Variants in MAST4 observed in about 807,000 individuals in gnomAD.
The protein encoded by MAST4 is microtubule associated serine/threonine kinase family member 4.
A neutral mutation model predicts 162.7 loss-of-function variants in MAST4; 89 were observed. That is an observed-to-expected ratio of 0.55 (90% CI 0.46 to 0.65). The LOEUF (loss-of-function observed/expected upper bound fraction) is 0.65. MAST4 is among the 30% of genes least tolerant of loss of function. The pLI is 0.00. For missense variants in MAST4, 3,153 were observed against 3,374.0 expected (o/e 0.93, Z 1.62); for synonymous variants, 1,479 against 1,361.1 (o/e 1.09, Z -1.91).
intron 6 of MAST4, chr5:67,094,210 G>T: frequency 7.3e-7 from 1 of 1,378,058 alleles, no homozygotes; most frequent in Non-Finnish European, 9.9e-7. Context: ...TCTGTGATTT[G>T]TCCACTTGAA....
At chr5:66,837,894 ATTTTTTTTTT>A (rs754095073) in intron 3 of MAST4, among the ~76,000 whole-genome samples, 919 of 53,506 alleles carry the variant, frequency 0.017, 2 homozygotes, top group East Asian at 0.092. Flanking sequence ...ATATATATAT[ATTTTTTTTTT>A]TTTTTTTTTT....
At chr5:66,939,223 A>C (rs1261556524) in intron 4 of MAST4, among the ~76,000 whole-genome samples, 1 of 152,188 alleles carries the variant, frequency 6.6e-6, no homozygotes, top group Non-Finnish European at 1.5e-5. Flanking sequence ...AAAGCATAGT[A>C]TCTGAAATTA....
At chr5:66,722,956 C>A (rs2149541541) in intron 1 of MAST4, among the ~76,000 whole-genome samples, 2 of 152,280 alleles carry the variant, frequency 1.3e-5, no homozygotes, top group East Asian at 1.9e-4. Context: ...TATGAGGCAA[C>A]TTCCCTCCAT....
intron 3 of MAST4, among the ~76,000 whole-genome samples, chr5:66,833,011 A>G (rs1757720728): frequency 2.0e-5 from 3 of 152,132 alleles, no homozygotes; most frequent in Non-Finnish European, 2.9e-5. Flanking sequence ...TCTGAAATAG[A>G]TATAGTACTG....
intron 10 of MAST4, among the ~76,000 whole-genome samples, chr5:67,106,567 A>T (rs1765617954): frequency 1.3e-5 from 2 of 152,012 alleles, no homozygotes; most frequent in African/African-American, 2.4e-5. Flanking sequence ...CCTGGCTCAG[A>T]CCCTCATCCA....
chr5:67,093,703 A>G (rs1037646912), intron 6 of MAST4: 7 of 442,568 alleles, frequency 1.6e-5, no homozygotes, highest in African/African-American at 1.4e-4. Flanking sequence ...ATTCATCTAA[A>G]ATATGTTCAT....
rs56276229 is a variant in MAST4 at position 66,877,551 on chromosome 5, A to T, written c.643-22400A>T. ...ACTAAGCCTTGCTGACTCCTGATGGACGTACCTAAAGTGGAGACGAGAGGT... is the reference window on the plus strand; with the variant it reads ...ACTAAGCCTTGCTGACTCCTGATGGTCGTACCTAAAGTGGAGACGAGAGGT... On this transcript the variant is annotated intron_variant, in intron 3 of 28. Coordinates refer to ENST00000403625, the MANE Select transcript of MAST4 (RefSeq NM_001164664.2). 9.4e-3 allele frequency among the ~76,000 whole-genome samples: 1,437 copies of T among 152,310 alleles called. 15 individuals are homozygous for T. Among genetic ancestry groups the T allele is most frequent in the African/African-American group, 0.032 (1,312 of 41,556 alleles).
chr5:67,124,809 T>C (rs566033211), intron 14 of MAST4, among the ~76,000 whole-genome samples: 4 of 152,218 alleles, frequency 2.6e-5, no homozygotes, highest in African/African-American at 7.2e-5. Flanking sequence ...ACTGAAAATC[T>C]GAGAATAAAG....
Position 66,635,975 on chromosome 5 carries a change from T to TTTTTC in MAST4, c.363+38957_363+38958insTTTTC, listed in dbSNP as rs1386965157. ...TTTTTTTTTTTTTTTTTTTTTTTTT[T>TTTTTC]CGAGACAGAGTCTTGCTCTGTCACC... On this transcript the variant is annotated intron_variant, in intron 1 of 28. Coordinates refer to ENST00000403625, the MANE Select transcript of MAST4 (RefSeq NM_001164664.2). Among the ~76,000 whole-genome samples, 97 of 113,562 alleles carry TTTTTC rather than the reference T, an allele frequency of 8.5e-4. 6 individuals carry two copies. The highest frequency in any genetic ancestry group is 3.3e-3 in the African/African-American group (84 of 25,794). The allele number at this position is 113,562 out of a possible 152,430, so 74.5% of individuals were successfully genotyped here.
intron 4 of MAST4, among the ~76,000 whole-genome samples, chr5:66,969,149 C>T (rs914862552): frequency 1.3e-5 from 2 of 152,176 alleles, no homozygotes; most frequent in Non-Finnish European, 2.9e-5. Flanking sequence ...TTCAGTGAGT[C>T]TGTGTTCCTT....
At chr5:66,989,973 G>A (rs1436746527) in intron 4 of MAST4, among the ~76,000 whole-genome samples, 2 of 152,022 alleles carry the variant, frequency 1.3e-5, no homozygotes, top group African/African-American at 2.4e-5. Context: ...TGTGCTCTCC[G>A]GCAAGCCCTC....
At chr5:66,919,362 A>G (rs1554068354) in intron 4 of MAST4, among the ~76,000 whole-genome samples, 4 of 151,776 alleles carry the variant, frequency 2.6e-5, no homozygotes, top group Non-Finnish European at 1.5e-5. Flanking sequence ...ATCTCATTCT[A>G]AAGAAGGTAA....
intron 4 of MAST4, among the ~76,000 whole-genome samples, chr5:67,024,681 A>G (rs1419706527): frequency 6.6e-6 from 1 of 152,108 alleles, no homozygotes; most frequent in African/African-American, 2.4e-5. Context: ...TTGCTTTTGA[A>G]TACCTTGAAT....
At chr5:66,715,814 A>C (rs991897187) in intron 1 of MAST4, among the ~76,000 whole-genome samples, 1 of 151,904 alleles carries the variant, frequency 6.6e-6, no homozygotes, top group African/African-American at 2.4e-5. Flanking sequence ...TTATGGATAC[A>C]GATATCAAAT....
chr5:67,142,402 C>G lies in MAST4; in HGVS notation c.2618-19C>G. 6.4e-7 allele frequency: 1 copy of G among 1,565,954 alleles called. No homozygotes were observed. Among genetic ancestry groups the G allele is most frequent in the Non-Finnish European group, 8.7e-7 (1 of 1,149,328 alleles). The stretch of plus-strand genomic sequence containing the variant: ...GAAAATCTGAGTAATTGGACCTGTT[C>G]CCAAACATTTCACTGCAGCTCGGTC... On this transcript the variant is annotated intron_variant, in intron 20 of 28. Coordinates refer to ENST00000403625, the MANE Select transcript of MAST4 (RefSeq NM_001164664.2).
intron 2 of MAST4, among the ~76,000 whole-genome samples, chr5:66,760,146 C>T (rs576682611): frequency 1.3e-5 from 2 of 150,598 alleles, no homozygotes; most frequent in African/African-American, 4.9e-5. Flanking sequence ...GAGTCTCGCT[C>T]CGTTGCTAGG....
At chr5:66,977,444 A>G (rs1016940837) in intron 4 of MAST4, among the ~76,000 whole-genome samples, 1 of 152,172 alleles carries the variant, frequency 6.6e-6, no homozygotes, top group African/African-American at 2.4e-5. Context: ...TTGATTGAGA[A>G]AGTAGAAAAA....
At chr5:66,728,754 A>T (rs1751666914) in intron 1 of MAST4, among the ~76,000 whole-genome samples, 1 of 152,222 alleles carries the variant, frequency 6.6e-6, no homozygotes, top group Non-Finnish European at 1.5e-5. Flanking sequence ...AATGTGGAAG[A>T]CAAGATGAAG....
At chr5:67,061,040 G>C (rs1759512766) in intron 5 of MAST4, among the ~76,000 whole-genome samples, 1 of 152,276 alleles carries the variant, frequency 6.6e-6, no homozygotes, top group East Asian at 1.9e-4. Flanking sequence ...AAAGCTAATA[G>C]TTTGTAAGAT....
Sources: gnomAD v4.1 joint callset for allele counts (sites outside exome capture counted in the v4.1 genomes callset) on GRCh38, gnomAD v4.1.1 for gene constraint, MANE v1.5 for transcripts, NCBI Gene and HGNC (gene_info 2026-07-23, HGNC 2026-07-21) for gene names.